DLGAP2: variants seen among roughly 807,000 people sequenced by gnomAD.
The protein encoded by DLGAP2 is DLG associated protein 2.
In DLGAP2, 26 loss-of-function variants were observed where a neutral mutation model predicts 100.3. The observed-to-expected ratio is 0.26, with a 90% confidence interval of 0.19 to 0.36. DLGAP2 has a LOEUF of 0.36. DLGAP2 is among the 10% of genes least tolerant of loss of function. DLGAP2 has a pLI of 1.00. For missense variants in DLGAP2, 1,858 were observed against 1,453.2 expected (o/e 1.28, Z -4.53); for synonymous variants, 886 against 630.1 (o/e 1.41, Z -6.08).
chr8:1,500,446 G>T (rs996509460), intron 3 of DLGAP2, among the ~76,000 whole-genome samples: 1 of 152,026 alleles, frequency 6.6e-6, no homozygotes, highest in Non-Finnish European at 1.5e-5. Flanking sequence ...AGCCTGGAGA[G>T]TCGGCACCTG....
intron 3 of DLGAP2, among the ~76,000 whole-genome samples, chr8:1,268,459 G>C (rs1414894426): frequency 6.6e-6 from 1 of 152,228 alleles, no homozygotes; most frequent in East Asian, 1.9e-4. Context: ...GAAATTTAAT[G>C]TGGGATAGCG....
At chr8:848,223 C>T (rs1368216819) in intron 1 of DLGAP2, among the ~76,000 whole-genome samples, 1 of 152,208 alleles carries the variant, frequency 6.6e-6, no homozygotes, top group Non-Finnish European at 1.5e-5. Flanking sequence ...CTATATGAAT[C>T]AATAGTTGAT....
intron 1 of DLGAP2, among the ~76,000 whole-genome samples, chr8:779,510 C>A (rs1015037964): frequency 6.7e-6 from 1 of 149,458 alleles, no homozygotes; most frequent in Admixed American, 6.7e-5. Context: ...GTCGCCCAGG[C>A]TGGAGTGCAG....
intron 3 of DLGAP2, among the ~76,000 whole-genome samples, chr8:1,426,918 T>C (rs1000901012): frequency 1.3e-5 from 2 of 152,076 alleles, no homozygotes; most frequent in African/African-American, 4.8e-5. Flanking sequence ...CAACAGAAGA[T>C]ACAGGATACA....
At chr8:1,312,023 C>T (rs1800625275) in intron 3 of DLGAP2, among the ~76,000 whole-genome samples, 1 of 152,218 alleles carries the variant, frequency 6.6e-6, no homozygotes, top group Non-Finnish European at 1.5e-5. Flanking sequence ...TCAGCAATGA[C>T]AGGGTTGAAC....
chr8:1,558,628 A>G (rs1185069892), intron 5 of DLGAP2, among the ~76,000 whole-genome samples: 3 of 149,938 alleles, frequency 2.0e-5, no homozygotes, highest in Admixed American at 6.6e-5. Context: ...ACATACACAT[A>G]TGTGCACATT....
At chr8:1,453,139 G>T (rs907256018) in intron 3 of DLGAP2, among the ~76,000 whole-genome samples, 1 of 152,052 alleles carries the variant, frequency 6.6e-6, no homozygotes, top group African/African-American at 2.4e-5. Context: ...GAAGGGGAAC[G>T]TCGCAGGTAT....
At chr8:1,613,593 C>G (rs961190813) in intron 6 of DLGAP2, among the ~76,000 whole-genome samples, 1 of 151,616 alleles carries the variant, frequency 6.6e-6, no homozygotes, top group Non-Finnish European at 1.5e-5. Context: ...GAAATTTATG[C>G]ACTGCGCACC....
chr8:1,635,149 T>C (rs910460227), intron 8 of DLGAP2, among the ~76,000 whole-genome samples: 6 of 152,236 alleles, frequency 3.9e-5, no homozygotes, highest in Admixed American at 3.9e-4. Context: ...CCCATTTTAC[T>C]CTAAGTATTG....
chr8:1,439,430 C>T (rs1217505553), intron 3 of DLGAP2, among the ~76,000 whole-genome samples: 1 of 152,124 alleles, frequency 6.6e-6, no homozygotes, highest in Non-Finnish European at 1.5e-5. Context: ...CTCTCTAGTT[C>T]CTCACGGGAG....
intron 2 of DLGAP2, among the ~76,000 whole-genome samples, chr8:1,172,715 G>T (rs1207852612): frequency 6.6e-6 from 1 of 152,078 alleles, no homozygotes; most frequent in African/African-American, 2.4e-5. Flanking sequence ...TAGTTCCCGA[G>T]CCTTGGCTTT....
intron 3 of DLGAP2, among the ~76,000 whole-genome samples, chr8:1,295,590 A>C (rs538920307): frequency 9.2e-5 from 14 of 152,280 alleles, no homozygotes; most frequent in African/African-American, 3.4e-4. Flanking sequence ...GCTCTCCACA[A>C]AGGCAGGGGA....
At chr8:827,033 G>A (rs1465406126) in intron 1 of DLGAP2, among the ~76,000 whole-genome samples, 2 of 152,068 alleles carry the variant, frequency 1.3e-5, no homozygotes, top group South Asian at 2.1e-4. Context: ...TCAAATGGGG[G>A]CAGTTTTGTC....
At chr8:1,431,609 C>T (rs1019235819) in intron 3 of DLGAP2, among the ~76,000 whole-genome samples, 26 of 152,208 alleles carry the variant, frequency 1.7e-4, no homozygotes, top group African/African-American at 6.0e-4. Context: ...TATAAAGAGT[C>T]AGCTGACCTA....
intron 2 of DLGAP2, among the ~76,000 whole-genome samples, chr8:1,211,161 A>G (rs1798095553): frequency 1.3e-5 from 2 of 152,258 alleles, no homozygotes; most frequent in African/African-American, 4.8e-5. Context: ...TCATGTGAAC[A>G]GGCTGCGTTC....
chr8:767,609 C>A (rs1821249238), intron 1 of DLGAP2, among the ~76,000 whole-genome samples: 1 of 152,112 alleles, frequency 6.6e-6, no homozygotes, highest in South Asian at 2.1e-4. Context: ...CGTGCCTTGG[C>A]CTCCCAAAGT....
chr8:1,495,052 G>A (rs1050009413), intron 3 of DLGAP2, among the ~76,000 whole-genome samples: 1 of 152,196 alleles, frequency 6.6e-6, no homozygotes, highest in African/African-American at 2.4e-5. Context: ...TCTCCATAAT[G>A]AGGCATTGCC....
intron 3 of DLGAP2, among the ~76,000 whole-genome samples, chr8:1,334,966 C>G (rs528114907): frequency 6.6e-6 from 1 of 152,170 alleles, no homozygotes; most frequent in Non-Finnish European, 1.5e-5. Flanking sequence ...GGGACCCAGC[C>G]CTCGCAGGCA....
intron 1 of DLGAP2, among the ~76,000 whole-genome samples, chr8:890,159 T>C (rs1798005865): frequency 6.6e-6 from 1 of 152,142 alleles, no homozygotes; most frequent in Non-Finnish European, 1.5e-5. Flanking sequence ...TTTTTTCCGA[T>C]GGGAGCCTCC....
Sources: gnomAD v4.1 joint callset for allele counts (sites outside exome capture counted in the v4.1 genomes callset) on GRCh38, gnomAD v4.1.1 for gene constraint, MANE v1.5 for transcripts, NCBI Gene and HGNC (gene_info 2026-07-23, HGNC 2026-07-21) for gene names.